GJB4: variants seen among roughly 807,000 people sequenced by gnomAD.
GJB4 encodes the protein gap junction protein beta 4.
For synonymous variants in GJB4, 162 were observed against 158.1 expected, an observed-to-expected ratio of 1.02 and a Z score of -0.18; for missense variants, 371 against 363.8, an observed-to-expected ratio of 1.02 and a Z score of -0.16.
At position 34,761,337 on chromosome 1, in the gene GJB4, T is replaced by G. The variant is rs768103129; in HGVS notation, c.83T>G (p.Val28Gly). Residue 28 changes from valine (V) to glycine (G), a missense_variant, in exon 2 of 2, where the codon GTG becomes GGG. Physicochemically the swap from Val to Gly is moderately radical, Grantham distance 109. Transcript: ENST00000339480. This position sits in a 1 kb window ranked among gnomAD's most constrained non-coding sequence, Gnocchi z 4.4. ...CTGAGCCGCATCTGGCTGTCTGTGG[T>G]GTTCATCTTTCGTGTGCTGGTGTAC... Reference protein sequence around the residue: ...TVLSRIWLSVVFIFRVLVYVV... With the variant: ...TVLSRIWLSVGFIFRVLVYVV... 3.5e-5 allele frequency: 57 copies of G among 1,613,878 alleles called. No homozygotes were observed. Among genetic ancestry groups the G allele is most frequent in the Non-Finnish European group, 4.8e-5 (57 of 1,179,876 alleles).
Position 34,761,104 on chromosome 1 carries a change from C to A in GJB4, c.-151C>A. ...GTCATTGGGAGTGAAGACATGATGACACGGTGATTGTGAAAAGATTTTGTC... is the reference window on the plus strand; with the variant it reads ...GTCATTGGGAGTGAAGACATGATGAAACGGTGATTGTGAAAAGATTTTGTC... On this transcript the variant is annotated 5_prime_UTR_variant, in exon 2 of 2. Coordinates refer to ENST00000339480, the MANE Select transcript of GJB4 (RefSeq NM_153212.3). The surrounding 1 kb of genome is among the most constrained non-coding windows in gnomAD (Gnocchi z 4.4). The A allele has an allele frequency of 1.4e-6, 1 of 722,836 alleles. No homozygotes were observed. Among genetic ancestry groups the A allele is most frequent in the South Asian group, 1.5e-5 (1 of 64,822 alleles). The allele number at this position is 722,836 out of a possible 1,614,324, so 44.8% of individuals were successfully genotyped here.
chr1:34,762,237 G>T lies in GJB4; in HGVS notation c.*182G>T, dbSNP rs774873043. On this transcript the variant is annotated 3_prime_UTR_variant, in exon 2 of 2. Coordinates refer to ENST00000339480, the MANE Select transcript of GJB4 (RefSeq NM_153212.3). ...GGGTAGTTTGGTCCCTGGGTCCTGAGCCTCAGGGGAGGGAGGTTGATAGCT... is the reference window on the plus strand; with the variant it reads ...GGGTAGTTTGGTCCCTGGGTCCTGATCCTCAGGGGAGGGAGGTTGATAGCT... The T allele has an allele frequency of 1.6e-5, 11 of 667,396 alleles. No homozygotes were observed. Among genetic ancestry groups the T allele is most frequent in the Non-Finnish European group, 2.5e-5 (9 of 364,862 alleles). 41.3% of individuals were successfully genotyped at this position (667,396 alleles called of 1,614,324 possible).
At position 34,761,778 on chromosome 1, in the gene GJB4, G is replaced by A. The variant is rs1359828337; in HGVS notation, c.524G>A (p.Cys175Tyr). Residue 175 changes from cysteine to tyrosine, a missense_variant, in exon 2 of 2, where the codon TGT becomes TAT. Physicochemically the swap from Cys to Tyr is radical, Grantham distance 194. Coordinates refer to ENST00000339480, the MANE Select transcript of GJB4 (RefSeq NM_153212.3). This position sits in a 1 kb window ranked among gnomAD's most constrained non-coding sequence, Gnocchi z 4.4. ...GAGCCTTGCCCCCACACTGTGGACT[G>A]TTACATCTCCCGGCCCACGGAGAAG... ...SVEPCPHTVD[C>Y]YISRPTEKKV... 4 of 1,614,008 alleles carry A rather than the reference G, an allele frequency of 2.5e-6. No homozygotes were observed. The highest frequency in any genetic ancestry group is 2.2e-5 in the East Asian group (1 of 44,886).
At position 34,761,092 on chromosome 1, in the gene GJB4, A is replaced by G; in HGVS notation, c.-163A>G. The stretch of plus-strand genomic sequence containing the variant: ...CTACCCTACCAAGTCATTGGGAGTG[A>G]AGACATGATGACACGGTGATTGTGA... On this transcript the variant is annotated 5_prime_UTR_variant, in exon 2 of 2. The change abolishes the stop of an existing upstream ORF in the 5' untranslated region. Transcript: ENST00000339480. The surrounding 1 kb of genome is among the most constrained non-coding windows in gnomAD (Gnocchi z 4.4). 1 of 698,576 alleles carries G rather than the reference A, an allele frequency of 1.4e-6. No individual in the cohort carries two copies. The highest frequency in any genetic ancestry group is 2.6e-6 in the Non-Finnish European group (1 of 389,600). 43.3% of individuals were successfully genotyped at this position (698,576 alleles called of 1,614,324 possible).
Position 34,762,325 on chromosome 1 carries a change from G to C in GJB4, c.*270G>C. Reference sequence around the variant, plus strand: ...CCTCTTAATAAATATGATTTTCCCAGTACTTTGCAGACCAGGTGGGGAGTG... The same window carrying C: ...CCTCTTAATAAATATGATTTTCCCACTACTTTGCAGACCAGGTGGGGAGTG... On this transcript the variant is annotated 3_prime_UTR_variant, in exon 2 of 2. Transcript: ENST00000339480. 1 of 522,258 alleles carries C rather than the reference G, an allele frequency of 1.9e-6. No homozygotes were observed. The highest frequency in any genetic ancestry group is 3.6e-6 in the Non-Finnish European group (1 of 277,334). The allele number at this position is 522,258 out of a possible 1,614,324, so 32.4% of individuals were successfully genotyped here.
At position 34,761,868 on chromosome 1, in the gene GJB4, T is replaced by C. The variant is rs778129905; in HGVS notation, c.614T>C (p.Val205Ala). 1 of 1,613,956 alleles carries C rather than the reference T, an allele frequency of 6.2e-7. No individual in the cohort carries two copies. Residue 205 changes from valine to alanine, a missense_variant, in exon 2 of 2, where the codon GTC becomes GCC. Val to Ala is a moderately conservative substitution (Grantham distance 64). Coordinates refer to ENST00000339480, the MANE Select transcript of GJB4 (RefSeq NM_153212.3). This position sits in a 1 kb window ranked among gnomAD's most constrained non-coding sequence, Gnocchi z 4.4. ...AICILLNLSE[V>A]FYLVGKRCME... ...TGCATCCTGCTCAACCTCAGTGAAG[T>C]CTTCTACCTGGTGGGCAAGAGGTGC...
At position 34,762,172 on chromosome 1, in the gene GJB4, G is replaced by A; in HGVS notation, c.*117G>A. The A allele has an allele frequency of 1.9e-6, 2 of 1,076,090 alleles. No homozygotes were observed. Among genetic ancestry groups the A allele is most frequent in the Non-Finnish European group, 1.4e-6 (1 of 717,468 alleles). 66.7% of individuals were successfully genotyped at this position (1,076,090 alleles called of 1,614,324 possible). ...GGGTGGTGAGGAGGGTGGCTGTGGG[G>A]GCTCAGGAAGCTCGCCCAGGGGCCA... On this transcript the variant is annotated 3_prime_UTR_variant, in exon 2 of 2. Transcript: ENST00000339480.
At position 34,762,198 on chromosome 1, in the gene GJB4, A is replaced by G. The variant is rs532786755; in HGVS notation, c.*143A>G. On this transcript the variant is annotated 3_prime_UTR_variant, in exon 2 of 2. Transcript: ENST00000339480. Reference sequence around the variant, plus strand: ...GCTCAGGAAGCTCGCCCAGGGGCCAATGTGGGAGGTTGGGGGTAGTTTGGT... The same window carrying G: ...GCTCAGGAAGCTCGCCCAGGGGCCAGTGTGGGAGGTTGGGGGTAGTTTGGT... 4 of 821,410 alleles carry G rather than the reference A, an allele frequency of 4.9e-6. No homozygotes were observed. The highest frequency in any genetic ancestry group is 2.7e-5 in the East Asian group (1 of 37,464). The allele number at this position is 821,410 out of a possible 1,614,324, so 50.9% of individuals were successfully genotyped here. A position where few individuals can be genotyped will look rare whatever the true frequency, so the allele number is the denominator to read the frequency against.
In GJB4 at chr1:34,761,312, C is replaced by T. The variant is rs1395653730; in HGVS notation, c.58C>T (p.Leu20=). ...TGGCGTGAACAAGTACTCCACAGTG[C>T]TGAGCCGCATCTGGCTGTCTGTGGT... ...LSGVNKYSTV[L]SRIWLSVVFI... Residue 20 remains leucine (L), a synonymous_variant, in exon 2 of 2, where the codon CTG becomes TTG. Transcript: ENST00000339480. The surrounding 1 kb of genome is among the most constrained non-coding windows in gnomAD (Gnocchi z 4.4). 1.2e-6 allele frequency: 2 copies of T among 1,613,928 alleles called. No homozygotes were observed. Among genetic ancestry groups the T allele is most frequent in the South Asian group, 1.1e-5 (1 of 91,086 alleles).
Position 34,761,082 on chromosome 1 carries a change from A to G in GJB4, c.-173A>G, listed in dbSNP as rs1639700792. The G allele has an allele frequency of 1.5e-6, 1 of 680,184 alleles. No individual in the cohort carries two copies. The highest frequency in any genetic ancestry group is 2.7e-6 in the Non-Finnish European group (1 of 377,090). The allele number at this position is 680,184 out of a possible 1,614,324, so 42.1% of individuals were successfully genotyped here. A position where few individuals can be genotyped will look rare whatever the true frequency, so the allele number is the denominator to read the frequency against. ...GGGGCAATCCCTACCCTACCAAGTCATTGGGAGTGAAGACATGATGACACG... is the reference window on the plus strand; with the variant it reads ...GGGGCAATCCCTACCCTACCAAGTCGTTGGGAGTGAAGACATGATGACACG... On this transcript the variant is annotated 5_prime_UTR_variant, in exon 2 of 2. Coordinates refer to ENST00000339480, the MANE Select transcript of GJB4 (RefSeq NM_153212.3). This position sits in a 1 kb window ranked among gnomAD's most constrained non-coding sequence, Gnocchi z 4.4.
intron 1 of GJB4, among the ~76,000 whole-genome samples, chr1:34,760,208 G>T (rs1639685506): frequency 6.6e-6 from 1 of 152,040 alleles, no homozygotes; most frequent in African/African-American, 2.4e-5. Flanking sequence ...GTCTGAAGAG[G>T]CTGAGAGCAG....
chr1:34,761,857 C>A lies in GJB4; in HGVS notation c.603C>A (p.Asn201Lys), dbSNP rs759786284. 2.0e-5 allele frequency: 33 copies of A among 1,614,100 alleles called. No individual in the cohort carries two copies. The African/African-American group carries it at 4.3e-4, about 21-fold the overall frequency. The change falls in exon 2 of 2, where the codon AAC becomes AAA. Residue 201 changes from asparagine to lysine, a missense_variant. By Grantham distance (94) the Asn-to-Lys change is moderately conservative. Coordinates refer to ENST00000339480, the MANE Select transcript of GJB4 (RefSeq NM_153212.3). The surrounding 1 kb of genome is among the most constrained non-coding windows in gnomAD (Gnocchi z 4.4). ...CAGCTGCCATCTGCATCCTGCTCAA[C>A]CTCAGTGAAGTCTTCTACCTGGTGG... ...VTTAAICILL[N>K]LSEVFYLVGK...
Position 34,761,980 on chromosome 1 carries a change from A to G in GJB4, c.726A>G (p.Gly242=), listed in dbSNP as rs1198914245. Residue 242 remains glycine (G), a synonymous_variant, in exon 2 of 2, where the codon GGA becomes GGG. Coordinates refer to ENST00000339480, the MANE Select transcript of GJB4 (RefSeq NM_153212.3). This position sits in a 1 kb window ranked among gnomAD's most constrained non-coding sequence, Gnocchi z 4.4. Reference sequence around the variant, plus strand: ...GCCCACCATATGTCCTCTCCCAGGGAGGGCACCCTGAGGATGGGAACTCTG... The same window carrying G: ...GCCCACCATATGTCCTCTCCCAGGGGGGGCACCCTGAGGATGGGAACTCTG... The part of the protein sequence containing the change: ...DTCPPYVLSQ[G]GHPEDGNSVL... The G allele has an allele frequency of 8.7e-6, 14 of 1,614,006 alleles. No homozygotes were observed. Among genetic ancestry groups the G allele is most frequent in the African/African-American group, 1.3e-5 (1 of 74,908 alleles).
rs951100124 is a variant in GJB4, at chr1:34,762,194, G to A, written c.*139G>A. The A allele has an allele frequency of 4.3e-5, 36 of 845,878 alleles. No homozygotes were observed. The East Asian group carries it at 6.1e-4, about 14-fold the overall frequency. 52.4% of individuals were successfully genotyped at this position (845,878 alleles called of 1,614,324 possible). On this transcript the variant is annotated 3_prime_UTR_variant, in exon 2 of 2. Coordinates refer to ENST00000339480, the MANE Select transcript of GJB4 (RefSeq NM_153212.3). ...GGGGGCTCAGGAAGCTCGCCCAGGG[G>A]CCAATGTGGGAGGTTGGGGGTAGTT... is the stretch of plus-strand genomic sequence containing the variant.
At chr1:34,760,110 G>A (rs892509763) in intron 1 of GJB4, among the ~76,000 whole-genome samples, 1 of 152,218 alleles carries the variant, frequency 6.6e-6, no homozygotes, top group African/African-American at 2.4e-5. Context: ...TCTAGCAGCT[G>A]ACAGCCTGGC....
chr1:34,761,522 C>T lies in GJB4; in HGVS notation c.268C>T (p.Leu90Phe), dbSNP rs766958661. 5.0e-6 allele frequency: 8 copies of T among 1,614,080 alleles called. No individual in the cohort carries two copies. In the African/African-American group the frequency reaches 8.0e-5, roughly 16 times the overall value. ...CATCCTGGTCACGTGCCCCTCACTGCTCGTGGTCATGCACGTGGCCTACCG... is the reference window on the plus strand; with the variant it reads ...CATCCTGGTCACGTGCCCCTCACTGTTCGTGGTCATGCACGTGGCCTACCG... ...QLILVTCPSL[L>F]VVMHVAYREE... The change falls in exon 2 of 2, where the codon CTC becomes TTC. Residue 90 changes from leucine (L) to phenylalanine (F), a missense_variant. Coordinates refer to ENST00000339480, the MANE Select transcript of GJB4 (RefSeq NM_153212.3). This position sits in a 1 kb window ranked among gnomAD's most constrained non-coding sequence, Gnocchi z 4.4.
At position 34,761,189 on chromosome 1, in the gene GJB4, G is replaced by C. The variant is rs954286682; in HGVS notation, c.-66G>C. On this transcript the variant is annotated 5_prime_UTR_variant, in exon 2 of 2. Transcript: ENST00000339480. This position sits in a 1 kb window ranked among gnomAD's most constrained non-coding sequence, Gnocchi z 4.4. Reference sequence around the variant, plus strand: ...TTCCCCCAGGCCTCAAGGCTCCCAAGGCCTGAGTGGGCAGGTAGCACCCAG... The same window carrying C: ...TTCCCCCAGGCCTCAAGGCTCCCAACGCCTGAGTGGGCAGGTAGCACCCAG... 2.6e-6 allele frequency: 4 copies of C among 1,550,332 alleles called. No homozygotes were observed. The highest frequency in any genetic ancestry group is 1.8e-6 in the Non-Finnish European group (2 of 1,126,740).
chr1:34,762,198 A>T lies in GJB4; in HGVS notation c.*143A>T, dbSNP rs532786755. Reference sequence around the variant, plus strand: ...GCTCAGGAAGCTCGCCCAGGGGCCAATGTGGGAGGTTGGGGGTAGTTTGGT... The same window carrying T: ...GCTCAGGAAGCTCGCCCAGGGGCCATTGTGGGAGGTTGGGGGTAGTTTGGT... On this transcript the variant is annotated 3_prime_UTR_variant, in exon 2 of 2. Transcript: ENST00000339480. 2.8e-5 allele frequency: 23 copies of T among 821,410 alleles called. No individual in the cohort carries two copies. Among genetic ancestry groups the T allele is most frequent in the Non-Finnish European group, 4.3e-5 (21 of 489,298 alleles). 50.9% of individuals were successfully genotyped at this position (821,410 alleles called of 1,614,324 possible).
rs748172389 is a variant in GJB4, at chr1:34,761,547, G to A, written c.293G>A (p.Arg98His). The A allele has an allele frequency of 5.1e-5, 82 of 1,614,030 alleles. No homozygotes were observed. The highest frequency in any genetic ancestry group is 6.1e-5 in the Non-Finnish European group (72 of 1,180,044). The change falls in exon 2 of 2, where the codon CGC (arginine) becomes CAC (histidine). Residue 98 changes from arginine (R) to histidine (H), a missense_variant. Transcript: ENST00000339480. The surrounding 1 kb of genome is among the most constrained non-coding windows in gnomAD (Gnocchi z 4.4). The part of the protein sequence containing the change: ...SLLVVMHVAY[R>H]EERERKHHLK... ...CTCGTGGTCATGCACGTGGCCTACC[G>A]CGAGGAACGCGAGCGCAAGCACCAC...
Sources: gnomAD v4.1 joint callset for allele counts (sites outside exome capture counted in the v4.1 genomes callset) on GRCh38, gnomAD v4.1.1 for gene constraint, Gnocchi (gnomAD v3.1) non-coding constraint, MANE v1.5 for transcripts, NCBI Gene and HGNC (gene_info 2026-07-23, HGNC 2026-07-21) for gene names.